Variants in TAPT1 observed in about 807,000 individuals in gnomAD.
TAPT1 encodes the protein transmembrane anterior posterior transformation 1.
In TAPT1, 28 loss-of-function variants were observed where a neutral mutation model predicts 65.6. The ratio of observed to expected loss-of-function variants is 0.43; its 90% CI spans 0.32 to 0.59. The LOEUF is 0.59. Among genes scored for constraint, TAPT1 ranks in the 20% least tolerant of loss-of-function variants. TAPT1 has a pLI of 0.09. For synonymous variants in TAPT1, 278 were observed against 245.2 expected (o/e 1.13, Z -1.25); for missense variants, 563 against 679.9 (o/e 0.83, Z 1.91).
chr4:16,178,355 G>T lies in TAPT1; in HGVS notation c.997+1222C>A, dbSNP rs544347640. On this transcript the variant is annotated intron_variant, in intron 8 of 13. Coordinates refer to ENST00000405303, the MANE Select transcript of TAPT1 (RefSeq NM_153365.3). ...CGTATCTCTCATTTTATATGTTTTTGATTTTTCACAGTTACTTGAAAATTA... is the reference window on the plus strand; with the variant it reads ...CGTATCTCTCATTTTATATGTTTTTTATTTTTCACAGTTACTTGAAAATTA... 7.2e-5 allele frequency among the ~76,000 whole-genome samples: 11 copies of T among 152,200 alleles called. No individual in the cohort carries two copies. In the South Asian group the frequency reaches 2.1e-3, roughly 29 times the overall value.
intron 3 of TAPT1, among the ~76,000 whole-genome samples, chr4:16,200,560 T>C (rs1749969277): frequency 6.6e-6 from 1 of 152,096 alleles, no homozygotes; most frequent in African/African-American, 2.4e-5. Flanking sequence ...TCCTGGCCTC[T>C]AGCGATCCTC....
chr4:16,226,485 C>A, upstream of TAPT1: 3 of 1,046,876 alleles, frequency 2.9e-6, no homozygotes, highest in Non-Finnish European at 3.4e-6. Context: ...CTGTCCCCGC[C>A]GCCTCCCTCC....
At chr4:16,166,964 A>T (rs1747673314) in intron 12 of TAPT1, 171 bp from the exon 13 acceptor site, 1 of 501,794 alleles carries the variant, frequency 2.0e-6, no homozygotes, top group African/African-American at 1.9e-5. Context: ...CTTGTCACAA[A>T]GAAAAACTTC....
chr4:16,214,939 C>G (rs1029178726), intron 1 of TAPT1, among the ~76,000 whole-genome samples: 1 of 152,140 alleles, frequency 6.6e-6, no homozygotes, highest in African/African-American at 2.4e-5. Context: ...TAAGGAGTTG[C>G]ACCTTCTAGG....
At chr4:16,194,859 GTCTTCTTCT>G (rs71649940) in intron 3 of TAPT1, among the ~76,000 whole-genome samples, 1,677 of 146,992 alleles carry the variant, frequency 0.011, 58 homozygotes, top group African/African-American at 0.027. Context: ...CTTGATTTCT[GTCTTCTTCT>G]TCTTCTTCTT....
chr4:16,211,695 A>C (rs546212656), intron 2 of TAPT1, among the ~76,000 whole-genome samples: 5 of 152,210 alleles, frequency 3.3e-5, no homozygotes, highest in African/African-American at 4.8e-5. Context: ...ATACATTTAC[A>C]TTCATACAAA....
chr4:16,217,205 T>A (rs777597096), intron 1 of TAPT1, among the ~76,000 whole-genome samples: 5 of 152,192 alleles, frequency 3.3e-5, no homozygotes, highest in Non-Finnish European at 7.3e-5. Flanking sequence ...GCCTATGATT[T>A]TCTGCAGTAT....
At chr4:16,227,113 C>T, upstream of TAPT1, 1 of 455,576 alleles carries the variant, frequency 2.2e-6, no homozygotes, top group Middle Eastern at 4.6e-4. Context: ...TCCCTGGCCT[C>T]TGAGTGTCCT....
chr4:16,182,717 T>C (rs1748780469), intron 7 of TAPT1: 1 of 152,168 alleles, frequency 6.6e-6, no homozygotes, highest in African/African-American at 2.4e-5. Flanking sequence ...AAATTCTTCA[T>C]CTCAAGAATG....
intron 13 of TAPT1, among the ~76,000 whole-genome samples, chr4:16,164,769 G>A (rs983891785): frequency 3.9e-5 from 6 of 152,068 alleles, no homozygotes; most frequent in East Asian, 1.9e-4. Context: ...AAGAGAACAC[G>A]TACAGGCCCC....
chr4:16,161,113 A>G lies in TAPT1; in HGVS notation c.*2195T>C, dbSNP rs1156999461. Reference sequence around the variant, plus strand: ...GAGAAATATTAAATGGTCTATAATCAAGGCCGAGCCTATTTTTTCCAAAGA... The same window carrying G: ...GAGAAATATTAAATGGTCTATAATCGAGGCCGAGCCTATTTTTTCCAAAGA... On this transcript the variant is annotated 3_prime_UTR_variant, in exon 14 of 14. Coordinates refer to ENST00000405303, the MANE Select transcript of TAPT1 (RefSeq NM_153365.3). The G allele has an allele frequency of 2.6e-5, 4 of 152,424 alleles. No individual in the cohort carries two copies. Among genetic ancestry groups the G allele is most frequent in the Non-Finnish European group, 4.4e-5 (3 of 68,046 alleles). The allele number at this position is 152,424 out of a possible 1,614,324, so 9.4% of individuals were successfully genotyped here.
chr4:16,185,476 C>T (rs1407099442), intron 7 of TAPT1, among the ~76,000 whole-genome samples: 1 of 151,740 alleles, frequency 6.6e-6, no homozygotes, highest in African/African-American at 2.4e-5. Flanking sequence ...TCAAGCAATT[C>T]TCCTGCCTCA....
intron 4 of TAPT1, chr4:16,191,075 C>T: frequency 3.5e-6 from 1 of 285,344 alleles, no homozygotes; most frequent in Non-Finnish European, 6.6e-6. Flanking sequence ...TCTTCCCAGC[C>T]TACATGAGGA....
intron 1 of TAPT1, among the ~76,000 whole-genome samples, chr4:16,224,755 A>C (rs1751448908): frequency 6.6e-6 from 1 of 152,178 alleles, no homozygotes; most frequent in Non-Finnish European, 1.5e-5. Context: ...AAGTCCATGG[A>C]AGTCCAGGTA....
chr4:16,210,805 A>G (rs138949618), intron 2 of TAPT1, among the ~76,000 whole-genome samples: 81 of 152,332 alleles, frequency 5.3e-4, no homozygotes, highest in South Asian at 1.4e-3. Flanking sequence ...TCTGGTACAT[A>G]GAACCCAAGG....
At chr4:16,174,829 G>T in intron 9 of TAPT1, 100 bp from the exon 10 acceptor site, 2 of 854,710 alleles carry the variant, frequency 2.3e-6, no homozygotes, top group Non-Finnish European at 3.4e-6. Context: ...AATTAACCAG[G>T]AACAAGTGCT....
intron 8 of TAPT1, among the ~76,000 whole-genome samples, chr4:16,178,722 T>G (rs931468620): frequency 1.3e-5 from 2 of 152,196 alleles, no homozygotes; most frequent in East Asian, 3.8e-4. Context: ...TAATGAAAAT[T>G]CATGGAGTCT....
chr4:16,209,458 T>C (rs993661441), intron 2 of TAPT1, among the ~76,000 whole-genome samples: 2 of 152,232 alleles, frequency 1.3e-5, no homozygotes, highest in Non-Finnish European at 2.9e-5. Context: ...AGTGTGTAAG[T>C]GATCTTTATC....
intron 11 of TAPT1, among the ~76,000 whole-genome samples, chr4:16,173,800 T>C (rs527629370): frequency 1.3e-5 from 2 of 152,336 alleles, no homozygotes; most frequent in African/African-American, 4.8e-5. Context: ...AGAAATGAAA[T>C]GACTGAATTA....
Sources: allele counts gnomAD v4.1 joint callset (sites outside exome capture counted in the v4.1 genomes callset), GRCh38; gene constraint gnomAD v4.1.1; transcripts MANE v1.5; gene names NCBI Gene and HGNC (gene_info 2026-07-23, HGNC 2026-07-21).